The following ZNF148 variants were observed in gnomAD, a reference collection of about 807,000 sequenced individuals.
ZNF148 encodes the protein Beta-Enolase Repressor Factor-1.
ZNF148 carries 7 observed loss-of-function variants against 67.7 expected under a neutral mutation model. The ratio of observed to expected loss-of-function variants is 0.10; its 90% CI spans 0.06 to 0.19. The LOEUF (loss-of-function observed/expected upper bound fraction) is 0.19, where lower values mean the gene tolerates loss of function less well. Ranked by LOEUF, ZNF148 falls within the 10% of genes least tolerant of loss-of-function variation. The pLI, the probability that ZNF148 is intolerant of heterozygous loss-of-function variation, is 1.00. For synonymous variants in ZNF148, 333 were observed against 330.7 expected, an observed-to-expected ratio of 1.01 and a Z score of -0.08; for missense variants, 583 against 947.1, an observed-to-expected ratio of 0.62 and a Z score of 5.05.
At chr3:125,351,451 A>C (rs1400780113) in intron 1 of ZNF148, among the ~76,000 whole-genome samples, 3 of 151,712 alleles carry the variant, frequency 2.0e-5, no homozygotes, top group Admixed American at 6.6e-5. Context: ...TCCAAAATGA[A>C]AACGTTCTAG....
At position 125,229,600 on chromosome 3, in the gene ZNF148, C is replaced by A. The variant is rs1241072077; in HGVS notation, c.*2741G>T. On this transcript the variant is annotated 3_prime_UTR_variant, in exon 9 of 9. Coordinates refer to ENST00000360647, the MANE Select transcript of ZNF148 (RefSeq NM_021964.3). ...CCAATCTTCAAACGTGAGTAGGTCC[C>A]AAGAGGAAAAGCACACCTCACTCAG... is the stretch of plus-strand genomic sequence containing the variant. The A allele has an allele frequency of 6.6e-6, 1 of 152,040 alleles. No homozygotes were observed. Among genetic ancestry groups the A allele is most frequent in the Non-Finnish European group, 1.5e-5 (1 of 68,010 alleles). 9.4% of individuals were successfully genotyped at this position (152,040 alleles called of 1,614,324 possible). A position where few individuals can be genotyped will look rare whatever the true frequency, so the allele number is the denominator to read the frequency against.
At chr3:125,366,537 CT>C (rs77523450) in intron 1 of ZNF148, among the ~76,000 whole-genome samples, 12,351 of 152,050 alleles carry the variant, frequency 0.081, 603 homozygotes, top group Non-Finnish European at 0.099. Flanking sequence ...CCTTGGCCAG[CT>C]TTTTTTCTTT....
chr3:125,309,743 GTAGAAAC>G (rs1940095573), intron 4 of ZNF148, among the ~76,000 whole-genome samples: 2 of 152,224 alleles, frequency 1.3e-5, no homozygotes, highest in Admixed American at 1.3e-4. Flanking sequence ...AAAGATCACT[GTAGAAAC>G]TATCTGAAAG....
intron 7 of ZNF148, among the ~76,000 whole-genome samples, chr3:125,256,967 GTTTTTTTTTTTTT>G (rs10576530): frequency 9.2e-6 from 1 of 108,132 alleles, no homozygotes; most frequent in Non-Finnish European, 1.9e-5. Context: ...AGAACTTCCA[GTTTTTTTTTTTTT>G]TTTTTTTTTT....
rs188847198 is a variant in ZNF148 at position 125,354,228 on chromosome 3, C to A, written c.-234+20874G>T. 3.4e-4 allele frequency among the ~76,000 whole-genome samples: 51 copies of A among 151,838 alleles called. 1 individual carries two copies. In the East Asian group the frequency reaches 8.9e-3, roughly 26 times the overall value. ...GTCATATATAAATTTTTAAGGAAAT[C>A]TTTGCTCATATTGTCTTTTTGGAGA... On this transcript the variant is annotated intron_variant, in intron 1 of 8. Coordinates refer to ENST00000360647, the MANE Select transcript of ZNF148 (RefSeq NM_021964.3).
intron 3 of ZNF148, among the ~76,000 whole-genome samples, chr3:125,320,770 G>T (rs1006817811): frequency 6.6e-6 from 1 of 152,022 alleles, no homozygotes; most frequent in Non-Finnish European, 1.5e-5. Flanking sequence ...TCTGAAAACA[G>T]GTAAAAGAAA....
intron 1 of ZNF148, among the ~76,000 whole-genome samples, chr3:125,365,929 C>T (rs1180870898): frequency 6.6e-6 from 1 of 152,214 alleles, no homozygotes. Context: ...TGCTATCAAA[C>T]TAATTCAAGC....
chr3:125,340,211 C>A (rs1354939051), intron 1 of ZNF148, among the ~76,000 whole-genome samples: 1 of 152,190 alleles, frequency 6.6e-6, no homozygotes, highest in East Asian at 1.9e-4. Context: ...GAAAGCAGCT[C>A]AGATAGTCAC....
chr3:125,353,134 A>T (rs1942214810), intron 1 of ZNF148, among the ~76,000 whole-genome samples: 1 of 152,250 alleles, frequency 6.6e-6, no homozygotes, highest in African/African-American at 2.4e-5. Flanking sequence ...CATAATAACA[A>T]AATACTGCAA....
intron 7 of ZNF148, among the ~76,000 whole-genome samples, chr3:125,245,203 T>G (rs561439034): frequency 6.6e-6 from 1 of 152,228 alleles, no homozygotes; most frequent in African/African-American, 2.4e-5. Context: ...CACCCAAATT[T>G]CATCTCAAAT....
chr3:125,246,680 T>C (rs1413169522), intron 7 of ZNF148, among the ~76,000 whole-genome samples: 1 of 152,182 alleles, frequency 6.6e-6, no homozygotes, highest in Non-Finnish European at 1.5e-5. Flanking sequence ...ACATATTGAT[T>C]ATACGTACAT....
chr3:125,268,199 C>T (rs1217735279), intron 7 of ZNF148, among the ~76,000 whole-genome samples: 5 of 143,490 alleles, frequency 3.5e-5, no homozygotes, highest in Admixed American at 7.0e-5. Flanking sequence ...TCATTTTTCA[C>T]AGACATAGAA....
At chr3:125,285,967 C>T (rs1013609952) in intron 5 of ZNF148, among the ~76,000 whole-genome samples, 5 of 152,002 alleles carry the variant, frequency 3.3e-5, no homozygotes, top group Admixed American at 2.0e-4. Flanking sequence ...TTTACAAATA[C>T]CTAGAACATA....
At chr3:125,247,755 T>C (rs1406247107) in intron 7 of ZNF148, among the ~76,000 whole-genome samples, 1 of 152,154 alleles carries the variant, frequency 6.6e-6, no homozygotes, top group Non-Finnish European at 1.5e-5. Flanking sequence ...AACTGTTTCG[T>C]GGCTTCCACA....
chr3:125,343,443 GGA>G (rs1941813292), intron 1 of ZNF148, among the ~76,000 whole-genome samples: 1 of 22,960 alleles, frequency 4.4e-5, no homozygotes, highest in Non-Finnish European at 1.0e-4. Flanking sequence ...GCTAGCAAGG[GGA>G]TTGTAAAATG....
At chr3:125,307,061 A>AC (rs890484821) in intron 4 of ZNF148, among the ~76,000 whole-genome samples, 2 of 151,848 alleles carry the variant, frequency 1.3e-5, no homozygotes, top group Non-Finnish European at 1.5e-5. Context: ...TTCCAAAAAA[A>AC]AAAAAAGAAA....
At chr3:125,335,813 T>C (rs1392351472) in intron 1 of ZNF148, among the ~76,000 whole-genome samples, 2 of 152,254 alleles carry the variant, frequency 1.3e-5, no homozygotes, top group Non-Finnish European at 2.9e-5. Context: ...TTTCAAAGTA[T>C]ATCTTTACGT....
At chr3:125,359,985 GCCCAGGGAATACAAGGGCTCCCTACTT>G (rs1216742033) in intron 1 of ZNF148, among the ~76,000 whole-genome samples, 2 of 152,312 alleles carry the variant, frequency 1.3e-5, no homozygotes, top group Admixed American at 1.3e-4. Flanking sequence ...GGCTGCAAAA[GCCCAGGGAATACAAGGGCTCCCTACTT>G]CCCAGTTTAA....
chr3:125,372,630 G>C (rs1001370661), intron 1 of ZNF148, among the ~76,000 whole-genome samples: 1 of 152,164 alleles, frequency 6.6e-6, no homozygotes, highest in Non-Finnish European at 1.5e-5. Flanking sequence ...GTGAGACAGG[G>C]GCTGCTGTTT....
Sources: gnomAD v4.1 joint callset for allele counts (sites outside exome capture counted in the v4.1 genomes callset) on GRCh38, gnomAD v4.1.1 for gene constraint, MANE v1.5 for transcripts, NCBI Gene and HGNC (gene_info 2026-07-23, HGNC 2026-07-21) for gene names.